Variants in ZNF184 observed in about 807,000 individuals in gnomAD.
ZNF184 encodes the protein zinc finger protein 184 (Kruppel-like).
Under a neutral mutation model 54.4 loss-of-function variants are expected in ZNF184, and 16 were observed. That is an observed-to-expected ratio of 0.29 (90% CI 0.20 to 0.45). The LOEUF (loss-of-function observed/expected upper bound fraction) is 0.45. Ranked by LOEUF, ZNF184 falls within the 20% of genes least tolerant of loss-of-function variation. The pLI is 1.00. For missense variants in ZNF184, 681 were observed against 888.2 expected (o/e 0.77, Z 2.97); for synonymous variants, 254 against 295.3 (o/e 0.86, Z 1.43).
At chr6:27,410,181 G>C in the ZNF184 span, among the ~76,000 whole-genome samples, 1 of 152,288 alleles carries the variant, frequency 6.6e-6, no homozygotes, top group Admixed American at 6.5e-5. Flanking sequence ...AGAACATACT[G>C]CTTTCATTAA....
chr6:27,417,138 G>A, the ZNF184 span, among the ~76,000 whole-genome samples: 26 of 152,044 alleles, frequency 1.7e-4, no homozygotes. Flanking sequence ...AGTTAAGGCA[G>A]TATAGCAAAA....
chr6:27,423,385 CTTT>C, the ZNF184 span, among the ~76,000 whole-genome samples: 1 of 152,084 alleles, frequency 6.6e-6, no homozygotes, highest in Non-Finnish European at 1.5e-5. Context: ...TACCTTTGTC[CTTT>C]TTTTGTTAGA....
chr6:27,405,128 C>T, the ZNF184 span: 1 of 152,070 alleles, frequency 6.6e-6, no homozygotes, highest in Non-Finnish European at 1.5e-5. Context: ...ACTGCAATGG[C>T]AAAAACGGCA....
intron 3 of ZNF184, among the ~76,000 whole-genome samples, chr6:27,465,509 A>G (rs1328479961): frequency 1.6e-3 from 234 of 142,554 alleles, no homozygotes; most frequent in African/African-American, 5.9e-3. Flanking sequence ...AAAAAAAAAA[A>G]GCAAAACCCA....
the ZNF184 span, among the ~76,000 whole-genome samples, chr6:27,442,757 A>G: frequency 5.2e-3 from 399 of 76,396 alleles, 13 homozygotes; most frequent in Middle Eastern, 0.024. Flanking sequence ...GAGGGAGGGA[A>G]GGAAGGAAGG....
chr6:27,441,040 A>G, the ZNF184 span, among the ~76,000 whole-genome samples: 1 of 152,138 alleles, frequency 6.6e-6, no homozygotes, highest in Non-Finnish European at 1.5e-5. Context: ...AAAATGAAAA[A>G]GAGAAGGTGC....
the ZNF184 span, among the ~76,000 whole-genome samples, chr6:27,433,991 TTC>T: frequency 3.1e-5 from 4 of 128,802 alleles, no homozygotes; most frequent in Admixed American, 8.1e-5. Flanking sequence ...CCTTCCTTCC[TTC>T]CTCTCTTTTC....
At chr6:27,467,488 G>A (rs1418877382) in intron 3 of ZNF184, among the ~76,000 whole-genome samples, 3 of 152,054 alleles carry the variant, frequency 2.0e-5, no homozygotes, top group Non-Finnish European at 2.9e-5. Flanking sequence ...CCAGCTACTC[G>A]GGACGCTCAG....
At chr6:27,428,083 A>C in the ZNF184 span, among the ~76,000 whole-genome samples, 1 of 152,156 alleles carries the variant, frequency 6.6e-6, no homozygotes, top group Non-Finnish European at 1.5e-5. This position sits in a 1 kb window ranked among gnomAD's most constrained non-coding sequence, Gnocchi z 4.1. Flanking sequence ...CTCAGCTACA[A>C]CTTTGTCAAA....
At chr6:27,434,747 G>A in the ZNF184 span, among the ~76,000 whole-genome samples, 1 of 152,156 alleles carries the variant, frequency 6.6e-6, no homozygotes, top group Non-Finnish European at 1.5e-5. Flanking sequence ...ATGTCATGAA[G>A]ATTTTCTTGT....
the ZNF184 span, among the ~76,000 whole-genome samples, chr6:27,414,408 C>T: frequency 5.3e-5 from 8 of 152,268 alleles, no homozygotes; most frequent in Admixed American, 3.3e-4. Flanking sequence ...AAAGTCCTTA[C>T]GGTGACCTAC....
At chr6:27,404,869 T>G in the ZNF184 span, 1 of 152,000 alleles carries the variant, frequency 6.6e-6, no homozygotes, top group African/African-American at 2.4e-5. Context: ...ATACAAAAAT[T>G]AGCCAGGCGT....
the ZNF184 span, among the ~76,000 whole-genome samples, chr6:27,415,335 TA>T: frequency 1.3e-3 from 201 of 149,974 alleles, 1 homozygote; most frequent in African/African-American, 4.8e-3. Context: ...CACATTTTAG[TA>T]AAAAAAAAAT....
intron 3 of ZNF184, among the ~76,000 whole-genome samples, chr6:27,465,060 C>T (rs1178346099): frequency 1.1e-4 from 16 of 140,812 alleles, no homozygotes; most frequent in South Asian, 1.1e-3. Context: ...CATGTGAGGA[C>T]ATGAGGAGGT....
chr6:27,449,863 A>G (rs948838215), downstream of ZNF184, among the ~76,000 whole-genome samples: 1 of 152,230 alleles, frequency 6.6e-6, no homozygotes, highest in African/African-American at 2.4e-5. Context: ...TATGACTTGT[A>G]TATTACAATC....
chr6:27,464,792 G>A (rs1302289107), intron 3 of ZNF184, among the ~76,000 whole-genome samples: 4 of 151,818 alleles, frequency 2.6e-5, no homozygotes, highest in Non-Finnish European at 4.4e-5. Context: ...CAAGGTGGGC[G>A]GATCACGAGG....
chr6:27,472,477 A>C lies in ZNF184; in HGVS notation c.-139-44T>G. 1 of 686,368 alleles carries C rather than the reference A, an allele frequency of 1.5e-6. No homozygotes were observed. The highest frequency in any genetic ancestry group is 3.6e-4 in the Middle Eastern group (1 of 2,816). The allele number at this position is 686,368 out of a possible 1,614,324, so 42.5% of individuals were successfully genotyped here. A position where few individuals can be genotyped will look rare whatever the true frequency, so the allele number is the denominator to read the frequency against. On this transcript the variant is annotated intron_variant, in intron 1 of 5. Coordinates refer to ENST00000683788, the MANE Select transcript of ZNF184 (RefSeq NM_001318891.2). The surrounding 1 kb of genome is among the most constrained non-coding windows in gnomAD (Gnocchi z 4.8). ...CGTCAGCAGCATACGTCACACAATCACACATCAGAGTCTTGCAAAGTGACC... is the reference window on the plus strand; with the variant it reads ...CGTCAGCAGCATACGTCACACAATCCCACATCAGAGTCTTGCAAAGTGACC...
chr6:27,461,963 C>G (rs1421422627), intron 3 of ZNF184, among the ~76,000 whole-genome samples: 2 of 152,116 alleles, frequency 1.3e-5, no homozygotes. Flanking sequence ...AAAGAATCAC[C>G]TAAAGGAGTC....
intron 3 of ZNF184, among the ~76,000 whole-genome samples, chr6:27,463,486 A>G (rs1763051004): frequency 6.6e-6 from 1 of 152,074 alleles, no homozygotes; most frequent in African/African-American, 2.4e-5. Flanking sequence ...GCTCTAGGAG[A>G]ACTTTAAGTT....
Sources: gnomAD v4.1 joint callset for allele counts (sites outside exome capture counted in the v4.1 genomes callset) on GRCh38, gnomAD v4.1.1 for gene constraint, Gnocchi (gnomAD v3.1) non-coding constraint, MANE v1.5 for transcripts, NCBI Gene and HGNC (gene_info 2026-07-23, HGNC 2026-07-21) for gene names.